Variants in PTPRG observed in about 807,000 individuals in gnomAD.
PTPRG encodes protein tyrosine phosphatase receptor type G, also known as receptor-type tyrosine-protein phosphatase gamma.
A neutral mutation model predicts 165.3 loss-of-function variants in PTPRG; 102 were observed. That is an observed-to-expected ratio of 0.62 (90% CI 0.53 to 0.73). The LOEUF is 0.73. PTPRG is among the 30% of genes least tolerant of loss of function. PTPRG has a pLI of 0.00. For synonymous variants in PTPRG, 675 were observed against 669.5 expected, an observed-to-expected ratio of 1.01 and a Z score of -0.13; for missense variants, 1,866 against 1,861.4, an observed-to-expected ratio of 1.00 and a Z score of -0.05.
At position 62,214,911 on chromosome 3, in the gene PTPRG, C is replaced by T. The variant is rs540499366; in HGVS notation, c.2156-3940C>T. ...AAGAGATAGTACAAACTGGCGGCTT[C>T]GGGAAGCCTCACAGAGAAGGCAGCA... On this transcript the variant is annotated intron_variant, in intron 12 of 29. Coordinates refer to ENST00000474889, the MANE Select transcript of PTPRG (RefSeq NM_002841.4). This position sits in a 1 kb window ranked among gnomAD's most constrained non-coding sequence, Gnocchi z 5.2. Among the ~76,000 whole-genome samples, 2 of 152,290 alleles carry T rather than the reference C, an allele frequency of 1.3e-5. No individual in the cohort carries two copies. Among genetic ancestry groups the T allele is most frequent in the East Asian group, 1.9e-4 (1 of 5,176 alleles).
intron 1 of PTPRG, among the ~76,000 whole-genome samples, chr3:61,617,153 C>G (rs1285920483): frequency 6.6e-6 from 1 of 152,170 alleles, no homozygotes; most frequent in Non-Finnish European, 1.5e-5. Context: ...TGGTCAAGCT[C>G]CAAGTCAAGG....
chr3:62,162,562 C>T (rs900461243), intron 7 of PTPRG, among the ~76,000 whole-genome samples: 1 of 152,180 alleles, frequency 6.6e-6, no homozygotes, highest in Non-Finnish European at 1.5e-5. Context: ...TCTCCTTGGG[C>T]CTGCTGTCTT....
At chr3:62,063,971 G>T (rs1211942688) in intron 4 of PTPRG, among the ~76,000 whole-genome samples, 1 of 152,192 alleles carries the variant, frequency 6.6e-6, no homozygotes, top group Admixed American at 6.5e-5. Context: ...GCTAGGGGCT[G>T]ATGGATGCAT....
At chr3:61,920,362 G>A (rs949211352) in intron 2 of PTPRG, among the ~76,000 whole-genome samples, 1 of 152,102 alleles carries the variant, frequency 6.6e-6, no homozygotes, top group Non-Finnish European at 1.5e-5. Context: ...GATAGTTGTA[G>A]TTCTCCATTT....
At chr3:62,054,727 T>C (rs1027780002) in intron 4 of PTPRG, among the ~76,000 whole-genome samples, 1 of 152,208 alleles carries the variant, frequency 6.6e-6, no homozygotes, top group African/African-American at 2.4e-5. Flanking sequence ...TTTTTTGAGT[T>C]ATATTTTGCA....
At chr3:61,697,978 T>C (rs1388608201) in intron 1 of PTPRG, among the ~76,000 whole-genome samples, 1 of 152,198 alleles carries the variant, frequency 6.6e-6, no homozygotes, top group Admixed American at 6.5e-5. Context: ...CTGCGTTTAT[T>C]CCCATTAGAC....
intron 2 of PTPRG, among the ~76,000 whole-genome samples, chr3:61,972,753 A>G (rs1036817613): frequency 4.0e-5 from 6 of 151,462 alleles, no homozygotes; most frequent in African/African-American, 1.2e-4. Flanking sequence ...CCCGGGCTCA[A>G]GTGATACTCA....
intron 2 of PTPRG, among the ~76,000 whole-genome samples, chr3:61,952,175 C>G (rs1219788138): frequency 6.7e-6 from 1 of 149,418 alleles, no homozygotes; most frequent in Non-Finnish European, 1.5e-5. Flanking sequence ...CCTCAGACCT[C>G]ATATGTGGAG....
At chr3:62,206,576 C>T (rs1037054380) in intron 12 of PTPRG, among the ~76,000 whole-genome samples, 1 of 152,082 alleles carries the variant, frequency 6.6e-6, no homozygotes, top group Non-Finnish European at 1.5e-5. Flanking sequence ...CCCCACAGCC[C>T]TTTCCTTTGC....
intron 2 of PTPRG, among the ~76,000 whole-genome samples, chr3:61,763,064 G>A (rs2106977351): frequency 6.6e-6 from 1 of 152,252 alleles, no homozygotes; most frequent in African/African-American, 2.4e-5. Flanking sequence ...TGGTGAATCA[G>A]CCTTCATATT....
At position 62,203,531 on chromosome 3, in the gene PTPRG, A is replaced by G. The variant is rs141789888; in HGVS notation, c.1736A>G (p.Glu579Gly). 7.5e-5 allele frequency: 117 copies of G among 1,554,480 alleles called. No individual in the cohort carries two copies. The highest frequency in any genetic ancestry group is 1.7e-4 in the Middle Eastern group (1 of 6,020). The change falls in exon 12 of 30, where the codon GAA becomes GGA. Residue 579 changes from glutamate to glycine, a missense_variant. Transcript: ENST00000474889. The surrounding 1 kb of genome is among the most constrained non-coding windows in gnomAD (Gnocchi z 6.4). ...ACCAAGGACGGCGAGGGCACCGAGG[A>G]AGGAGAGAAGGATGAGAAAAGCGAG... Reference protein sequence around the residue: ...SPTKDGEGTEEGEKDEKSESE... With the variant: ...SPTKDGEGTEGGEKDEKSESE...
At chr3:61,722,824 A>G (rs2032108697) in intron 1 of PTPRG, among the ~76,000 whole-genome samples, 2 of 152,218 alleles carry the variant, frequency 1.3e-5, no homozygotes, top group Non-Finnish European at 1.5e-5. Flanking sequence ...GATGCCTAAT[A>G]CATAGTTATT....
intron 6 of PTPRG, among the ~76,000 whole-genome samples, chr3:62,134,909 A>G (rs539414100): frequency 6.6e-6 from 1 of 152,340 alleles, no homozygotes; most frequent in East Asian, 1.9e-4. Context: ...GATTGAGAAG[A>G]AAAAGGAGTA....
chr3:61,949,870 C>T (rs990026210), intron 2 of PTPRG, among the ~76,000 whole-genome samples: 1 of 152,126 alleles, frequency 6.6e-6, no homozygotes, highest in Non-Finnish European at 1.5e-5. Flanking sequence ...GCCTCAGCCT[C>T]CTGAGTAGTT....
intron 1 of PTPRG, among the ~76,000 whole-genome samples, chr3:61,714,515 T>A (rs2031716792): frequency 6.6e-6 from 1 of 152,174 alleles, no homozygotes; most frequent in Non-Finnish European, 1.5e-5. Context: ...ATAGAAGCAG[T>A]CTGGCAGCTG....
chr3:61,774,616 C>T (rs1487420105), intron 2 of PTPRG, among the ~76,000 whole-genome samples: 5 of 152,204 alleles, frequency 3.3e-5, no homozygotes, highest in South Asian at 4.1e-4. Flanking sequence ...CTGGATGTGT[C>T]TTGCACACTC....
chr3:61,935,842 C>G (rs1033790721), intron 2 of PTPRG, among the ~76,000 whole-genome samples: 2 of 151,666 alleles, frequency 1.3e-5, no homozygotes, highest in East Asian at 3.9e-4. Flanking sequence ...TTGTTCTGAG[C>G]ACTTCATATA....
chr3:61,681,238 T>C (rs545252458), intron 1 of PTPRG, among the ~76,000 whole-genome samples: 4 of 152,324 alleles, frequency 2.6e-5, no homozygotes, highest in Non-Finnish European at 1.5e-5. Context: ...ATGGCATTCC[T>C]GGATCTGTTA....
At chr3:61,771,145 A>T (rs1372528558) in intron 2 of PTPRG, 3 of 152,172 alleles carry the variant, frequency 2.0e-5, no homozygotes, top group South Asian at 2.1e-4. Context: ...TTTTTTATGC[A>T]GAACAATGTC....
Sources: allele counts gnomAD v4.1 joint callset (sites outside exome capture counted in the v4.1 genomes callset), GRCh38; gene constraint gnomAD v4.1.1; non-coding constraint Gnocchi (gnomAD v3.1); transcripts MANE v1.5; gene names NCBI Gene and HGNC (gene_info 2026-07-23, HGNC 2026-07-21).